The following VWC2 variants were observed in gnomAD, a reference collection of about 807,000 sequenced individuals.
VWC2 encodes brorin.
In VWC2, 14 loss-of-function variants were observed where a neutral mutation model predicts 29.8. The ratio of observed to expected loss-of-function variants is 0.47; its 90% CI spans 0.31 to 0.74. The LOEUF is 0.74. Among genes scored for constraint, VWC2 ranks in the 30% least tolerant of loss-of-function variants. VWC2 has a pLI of 0.05. For synonymous variants in VWC2, 213 were observed against 199.0 expected (o/e 1.07, Z -0.59); for missense variants, 457 against 459.8 (o/e 0.99, Z 0.05).
intron 3 of VWC2, among the ~76,000 whole-genome samples, chr7:49,901,663 G>A (rs1704069071): frequency 6.6e-6 from 1 of 151,784 alleles, no homozygotes; most frequent in Admixed American, 6.6e-5. Context: ...AAAATCCCAG[G>A]AAGCAATTTT....
chr7:49,863,176 G>A (rs187394204), intron 3 of VWC2, among the ~76,000 whole-genome samples: 29 of 152,182 alleles, frequency 1.9e-4, no homozygotes, highest in African/African-American at 7.0e-4. Flanking sequence ...TTTCTTCTTT[G>A]TGAGTCAGCT....
intron 3 of VWC2, among the ~76,000 whole-genome samples, chr7:49,804,381 C>T (rs1429986467): frequency 6.6e-6 from 1 of 152,064 alleles, no homozygotes; most frequent in Non-Finnish European, 1.5e-5. Flanking sequence ...CGCCTCTGGT[C>T]TGCTGGGAGA....
At chr7:49,858,727 C>T (rs981000448) in intron 3 of VWC2, among the ~76,000 whole-genome samples, 2 of 151,982 alleles carry the variant, frequency 1.3e-5, no homozygotes, top group African/African-American at 4.8e-5. Context: ...GAAAGCTATA[C>T]ATAAGAAAGA....
chr7:49,784,066 T>C (rs937084080), intron 2 of VWC2, among the ~76,000 whole-genome samples: 3 of 152,176 alleles, frequency 2.0e-5, no homozygotes, highest in Non-Finnish European at 4.4e-5. Flanking sequence ...TTCAACAAAA[T>C]GCCTGAAATC....
intron 3 of VWC2, among the ~76,000 whole-genome samples, chr7:49,839,463 A>G (rs2128713077): frequency 6.6e-6 from 1 of 152,242 alleles, no homozygotes; most frequent in East Asian, 1.9e-4. Flanking sequence ...TTATCCCTCC[A>G]AAATTTCTTG....
intron 3 of VWC2, among the ~76,000 whole-genome samples, chr7:49,850,824 C>G (rs1358571257): frequency 1.3e-5 from 2 of 152,188 alleles, no homozygotes; most frequent in African/African-American, 2.4e-5. Context: ...CAAGCATGTA[C>G]TGCCATTACA....
intron 3 of VWC2, among the ~76,000 whole-genome samples, chr7:49,874,003 A>AGT (rs147898113): frequency 3.1e-4 from 47 of 151,350 alleles, no homozygotes; most frequent in Non-Finnish European, 5.0e-4. Flanking sequence ...TATTGTTTGG[A>AGT]GTGTGTGTGT....
chr7:49,809,177 T>A (rs771523974), intron 3 of VWC2, among the ~76,000 whole-genome samples: 1 of 151,848 alleles, frequency 6.6e-6, no homozygotes, highest in Non-Finnish European at 1.5e-5. Context: ...AAGACACAAG[T>A]CAGGAATGAA....
chr7:49,885,364 G>T (rs75115509), intron 3 of VWC2, among the ~76,000 whole-genome samples: 4,567 of 151,844 alleles, frequency 0.03, 189 homozygotes, highest in South Asian at 0.13. Context: ...ATCTCTGAAA[G>T]TAAAACTATA....
chr7:49,851,618 G>C (rs754107512), intron 3 of VWC2, among the ~76,000 whole-genome samples: 1 of 152,212 alleles, frequency 6.6e-6, no homozygotes, highest in African/African-American at 2.4e-5. Flanking sequence ...CCAGCACTTC[G>C]GGAGGCCGAG....
chr7:49,798,656 T>G (rs1220631560), intron 2 of VWC2, among the ~76,000 whole-genome samples: 2 of 152,082 alleles, frequency 1.3e-5, no homozygotes, highest in Non-Finnish European at 2.9e-5. Context: ...AGAGCTGGCC[T>G]GAATCCAGCT....
At chr7:49,859,563 T>C (rs1020145246) in intron 3 of VWC2, among the ~76,000 whole-genome samples, 7 of 152,390 alleles carry the variant, frequency 4.6e-5, no homozygotes, top group Middle Eastern at 3.4e-3. Context: ...TCCTCTGTCA[T>C]GTGGCTACTT....
chr7:49,781,102 A>T (rs1470361625), intron 2 of VWC2, among the ~76,000 whole-genome samples: 1 of 152,214 alleles, frequency 6.6e-6, no homozygotes, highest in Non-Finnish European at 1.5e-5. Flanking sequence ...CACTAAGTAA[A>T]ATGAGTCAAT....
intron 2 of VWC2, among the ~76,000 whole-genome samples, chr7:49,797,176 T>C (rs1212569974): frequency 1.3e-5 from 2 of 152,244 alleles, no homozygotes; most frequent in Admixed American, 6.5e-5. Context: ...CATGTAGTTA[T>C]GACTAGCCTC....
chr7:49,847,736 T>C (rs1006019544), intron 3 of VWC2, among the ~76,000 whole-genome samples: 1 of 152,132 alleles, frequency 6.6e-6, no homozygotes, highest in African/African-American at 2.4e-5. Context: ...GATTGGCTAC[T>C]TGGAGTGATT....
chr7:49,877,480 AAATATATATATATATAT>A lies in VWC2; in HGVS notation c.827-34552_827-34536del, dbSNP rs1406787757. ...TCTGTCTCAAAAAAAAAAAAAAAAA[AAATATATATATATATAT>A]ATATATATATATATATATATAGTTA... is the stretch of plus-strand genomic sequence containing the variant. On this transcript the variant is annotated intron_variant, in intron 3 of 3. Coordinates refer to ENST00000340652, the MANE Select transcript of VWC2 (RefSeq NM_198570.5). Among the ~76,000 whole-genome samples the A allele has an allele frequency of 2.1e-4, 5 of 23,524 alleles. 1 individual carries two copies. Among genetic ancestry groups the A allele is most frequent in the Admixed American group, 1.8e-3 (3 of 1,630 alleles). 15.4% of individuals were successfully genotyped at this position (23,524 alleles called of 152,430 possible). A position where few individuals can be genotyped will look rare whatever the true frequency, so the allele number is the denominator to read the frequency against.
intron 3 of VWC2, among the ~76,000 whole-genome samples, chr7:49,814,394 C>T (rs1216908648): frequency 3.3e-5 from 5 of 152,130 alleles, no homozygotes; most frequent in Non-Finnish European, 7.4e-5. Flanking sequence ...GAATAGGTAG[C>T]ATCTGATCTC....
intron 3 of VWC2, among the ~76,000 whole-genome samples, chr7:49,891,307 A>G (rs1792118630): frequency 6.6e-6 from 1 of 152,238 alleles, no homozygotes; most frequent in South Asian, 2.1e-4. Flanking sequence ...CTAATTATAT[A>G]TGTAACTAAT....
intron 3 of VWC2, among the ~76,000 whole-genome samples, chr7:49,825,347 G>A (rs1789368922): frequency 6.6e-6 from 1 of 152,068 alleles, no homozygotes. Context: ...GGCTCTCTTG[G>A]AGTCCATTTC....
Sources: gnomAD v4.1 joint callset for allele counts (sites outside exome capture counted in the v4.1 genomes callset) on GRCh38, gnomAD v4.1.1 for gene constraint, MANE v1.5 for transcripts, NCBI Gene and HGNC (gene_info 2026-07-23, HGNC 2026-07-21) for gene names.